The following SLC39A12 variants were observed in gnomAD, a reference collection of about 807,000 sequenced individuals.
The protein encoded by SLC39A12 is zinc transporter ZIP12.
A neutral mutation model predicts 71.1 loss-of-function variants in SLC39A12; 63 were observed. That is an observed-to-expected ratio of 0.89 (90% CI 0.72 to 1.09). The LOEUF (loss-of-function observed/expected upper bound fraction) is 1.09, where lower values mean the gene tolerates loss of function less well. Among genes scored for constraint, SLC39A12 ranks in the 50% least tolerant of loss-of-function variants. The pLI is 0.00. For synonymous variants in SLC39A12, 351 were observed against 301.3 expected (o/e 1.16, Z -1.71); for missense variants, 892 against 812.6 (o/e 1.10, Z -1.19).
At chr10:18,001,830 A>G (rs774383265) in intron 11 of SLC39A12, 3 of 152,030 alleles carry the variant, frequency 2.0e-5, no homozygotes, top group African/African-American at 2.4e-5. Flanking sequence ...AAACTATCCA[A>G]TTATACTCTT....
intron 12 of SLC39A12, among the ~76,000 whole-genome samples, chr10:18,027,340 A>G (rs1408100963): frequency 2.6e-5 from 4 of 152,308 alleles, no homozygotes; most frequent in South Asian, 2.1e-4. Flanking sequence ...TAAAACCCCA[A>G]TAGGTTAGGT....
At chr10:18,016,021 A>G (rs1361666736) in intron 12 of SLC39A12, among the ~76,000 whole-genome samples, 1 of 152,160 alleles carries the variant, frequency 6.6e-6, no homozygotes, top group African/African-American at 2.4e-5. Context: ...ATCTGTTACA[A>G]TTCACAAACA....
chr10:18,026,593 C>T (rs976112512), intron 12 of SLC39A12, among the ~76,000 whole-genome samples: 1 of 152,042 alleles, frequency 6.6e-6, no homozygotes. Flanking sequence ...TGGAGAAATT[C>T]TCAGTATTGT....
At chr10:17,995,519 G>A in intron 9 of SLC39A12, 137 bp from the exon 10 acceptor site, 1 of 706,654 alleles carries the variant, frequency 1.4e-6, no homozygotes, top group Non-Finnish European at 2.4e-6. Context: ...GTGTGTCTAT[G>A]AAACCTGAGG....
chr10:18,036,794 A>ATATATATTTTTTTT (rs1554855475), intron 12 of SLC39A12, among the ~76,000 whole-genome samples: 1 of 92,898 alleles, frequency 1.1e-5, no homozygotes, highest in African/African-American at 4.5e-5. Context: ...ATATATATAT[A>ATATATATTTTTTTT]TTTTTTTTTT....
intron 5 of SLC39A12, among the ~76,000 whole-genome samples, chr10:17,978,338 C>G (rs1385595622): frequency 6.6e-6 from 1 of 151,986 alleles, no homozygotes; most frequent in African/African-American, 2.4e-5. Flanking sequence ...ATTAATAATT[C>G]AGAAAACATA....
At chr10:18,041,772 C>A (rs967657954) in intron 12 of SLC39A12, among the ~76,000 whole-genome samples, 1 of 134,330 alleles carries the variant, frequency 7.4e-6, no homozygotes, top group Non-Finnish European at 1.6e-5. Flanking sequence ...CATATGTATA[C>A]ATATGTATAT....
chr10:18,015,978 C>T (rs868540228), intron 12 of SLC39A12, among the ~76,000 whole-genome samples: 4 of 152,106 alleles, frequency 2.6e-5, no homozygotes, highest in Admixed American at 1.3e-4. Context: ...TGCACAACCA[C>T]CCCGCTATTG....
intron 12 of SLC39A12, among the ~76,000 whole-genome samples, chr10:18,003,848 A>T (rs762026238): frequency 3.3e-4 from 51 of 152,346 alleles, no homozygotes; most frequent in Non-Finnish European, 6.2e-4. Context: ...TTGTCATTGA[A>T]TTAAATCACT....
intron 4 of SLC39A12, among the ~76,000 whole-genome samples, chr10:17,974,820 C>A (rs2130799424): frequency 6.6e-6 from 1 of 152,288 alleles, no homozygotes; most frequent in Non-Finnish European, 1.5e-5. Flanking sequence ...GGTGGTGAAG[C>A]CAGCCAGGCT....
chr10:18,030,608 T>TTTTATTTA (rs1168138812), intron 12 of SLC39A12, among the ~76,000 whole-genome samples: 4 of 130,364 alleles, frequency 3.1e-5, no homozygotes, highest in African/African-American at 1.1e-4. Context: ...TTTTATTTTA[T>TTTTATTTA]TTTATTTATT....
intron 7 of SLC39A12, among the ~76,000 whole-genome samples, chr10:17,990,923 T>C (rs2130824978): frequency 6.6e-6 from 1 of 152,340 alleles, no homozygotes; most frequent in Admixed American, 6.5e-5. Flanking sequence ...AGCTCTCTTT[T>C]GTTTTTTATT....
chr10:17,968,617 G>C (rs1037657979), intron 4 of SLC39A12, among the ~76,000 whole-genome samples: 3 of 151,998 alleles, frequency 2.0e-5, no homozygotes, highest in Non-Finnish European at 4.4e-5. Flanking sequence ...TATTTTGCTG[G>C]ATATAAAATT....
At chr10:17,994,901 G>T (rs1010754752) in intron 9 of SLC39A12, among the ~76,000 whole-genome samples, 2 of 152,074 alleles carry the variant, frequency 1.3e-5, no homozygotes, top group African/African-American at 4.8e-5. Context: ...GCTTTTAAAA[G>T]GACATATTTA....
At chr10:18,036,494 G>C (rs535411022) in intron 12 of SLC39A12, among the ~76,000 whole-genome samples, 1 of 151,798 alleles carries the variant, frequency 6.6e-6, no homozygotes, top group Non-Finnish European at 1.5e-5. Context: ...GCAATGCCTC[G>C]CCCTGCTTCG....
intron 4 of SLC39A12, 31 bp downstream of exon 4, chr10:17,965,721 A>G (rs1357030005): frequency 1.3e-6 from 2 of 1,551,980 alleles, no homozygotes. Flanking sequence ...TTAACTTCCA[A>G]GTCACACCTG....
chr10:17,952,304 A>C (rs1380716988), intron 1 of SLC39A12, among the ~76,000 whole-genome samples: 1 of 85,366 alleles, frequency 1.2e-5, no homozygotes, highest in Non-Finnish European at 2.7e-5. Flanking sequence ...GTCACCACTG[A>C]GTGAGTGTGT....
intron 2 of SLC39A12, among the ~76,000 whole-genome samples, chr10:17,954,558 G>A (rs1554847557): frequency 1.3e-5 from 2 of 152,000 alleles, no homozygotes; most frequent in Non-Finnish European, 2.9e-5. Flanking sequence ...CCGGCCTCCA[G>A]GTCACTTTAA....
At chr10:17,953,726 G>A (rs527328441) in intron 2 of SLC39A12, among the ~76,000 whole-genome samples, 189 bp downstream of exon 2, 2 of 152,216 alleles carry the variant, frequency 1.3e-5, no homozygotes, top group South Asian at 4.2e-4. Flanking sequence ...TAGCACCTAG[G>A]GACATTTTTG....
Sources: allele counts gnomAD v4.1 joint callset (sites outside exome capture counted in the v4.1 genomes callset), GRCh38; gene constraint gnomAD v4.1.1; transcripts MANE v1.5; gene names NCBI Gene and HGNC (gene_info 2026-07-23, HGNC 2026-07-21).